P2RY14: variants seen among roughly 807,000 people sequenced by gnomAD.
P2RY14 encodes purinergic receptor P2Y14.
A neutral mutation model predicts 0.9 loss-of-function variants in P2RY14; 2 were observed. The observed-to-expected ratio is 2.16, with a 90% confidence interval of 0.88 to 6.79. The LOEUF (loss-of-function observed/expected upper bound fraction) is 6.79. P2RY14 is among the 30% of genes most tolerant of loss of function. The probability of loss-of-function intolerance (pLI) is 0.05; values close to 1 mark genes in which losing one functional copy is unlikely to be tolerated. For missense variants in P2RY14, 378 were observed against 400.1 expected (o/e 0.94, Z 0.47); for synonymous variants, 158 against 147.2 (o/e 1.07, Z -0.53).
At chr3:151,229,969 G>GT (rs539215093) in intron 1 of P2RY14, among the ~76,000 whole-genome samples, 1 of 151,396 alleles carries the variant, frequency 6.6e-6, no homozygotes, top group Non-Finnish European at 1.5e-5. Flanking sequence ...CTGTTTTTTT[G>GT]TTTTTTGTTT....
chr3:151,250,124 C>A (rs1299608891), intron 1 of P2RY14, among the ~76,000 whole-genome samples: 1 of 152,156 alleles, frequency 6.6e-6, no homozygotes, highest in East Asian at 1.9e-4. Flanking sequence ...TTTGCTGTCT[C>A]CACTTTCCCA....
chr3:151,258,683 C>T (rs1400438791), intron 1 of P2RY14, among the ~76,000 whole-genome samples: 1 of 151,994 alleles, frequency 6.6e-6, no homozygotes, highest in Non-Finnish European at 1.5e-5. Context: ...AACCCCGTCT[C>T]TACTAAAAAT....
At chr3:151,217,120 T>C (rs1446535588) in intron 2 of P2RY14, among the ~76,000 whole-genome samples, 1 of 152,240 alleles carries the variant, frequency 6.6e-6, no homozygotes, top group East Asian at 1.9e-4. Flanking sequence ...TATAGTTATA[T>C]GGTGAAATAT....
intron 1 of P2RY14, among the ~76,000 whole-genome samples, chr3:151,263,464 C>T (rs536089230): frequency 6.6e-6 from 1 of 152,308 alleles, no homozygotes; most frequent in Admixed American, 6.5e-5. Flanking sequence ...CTTTAAATAA[C>T]ATTTGTTTGT....
At chr3:151,267,022 ATACTG>A (rs2149527177) in intron 1 of P2RY14, among the ~76,000 whole-genome samples, 1 of 152,344 alleles carries the variant, frequency 6.6e-6, no homozygotes, top group African/African-American at 2.4e-5. Flanking sequence ...AATTACATCT[ATACTG>A]TAAAGTACAA....
chr3:151,238,355 C>T (rs1733362245), intron 1 of P2RY14, among the ~76,000 whole-genome samples: 1 of 152,182 alleles, frequency 6.6e-6, no homozygotes, highest in South Asian at 2.1e-4. Context: ...CCTTGTTGGT[C>T]AGGCTGGTCT....
At chr3:151,223,023 G>A (rs1729699228) in intron 1 of P2RY14, among the ~76,000 whole-genome samples, 1 of 151,972 alleles carries the variant, frequency 6.6e-6, no homozygotes, top group Non-Finnish European at 1.5e-5. Flanking sequence ...TACTTAGAAT[G>A]TTCCTAAAAA....
chr3:151,274,209 T>A (rs777239407), intron 1 of P2RY14, among the ~76,000 whole-genome samples: 2 of 152,226 alleles, frequency 1.3e-5, no homozygotes, highest in Non-Finnish European at 2.9e-5. Context: ...AATAATGTAT[T>A]TAAGGTTTCT....
At chr3:151,221,415 T>C (rs1279520829) in intron 1 of P2RY14, among the ~76,000 whole-genome samples, 3 of 152,108 alleles carry the variant, frequency 2.0e-5, no homozygotes, top group South Asian at 4.1e-4. Context: ...ATCCAGGGCA[T>C]GTCAAAGGTC....
At chr3:151,235,868 A>G (rs1577063805) in intron 1 of P2RY14, among the ~76,000 whole-genome samples, 1 of 152,182 alleles carries the variant, frequency 6.6e-6, no homozygotes, top group African/African-American at 2.4e-5. Flanking sequence ...CATGGCATCT[A>G]ACATAGCCAT....
intron 1 of P2RY14, among the ~76,000 whole-genome samples, chr3:151,231,729 A>G (rs902860777): frequency 6.6e-6 from 1 of 152,202 alleles, no homozygotes; most frequent in African/African-American, 2.4e-5. Context: ...GTTTTGAGAC[A>G]GTTGTATAAC....
At chr3:151,264,519 A>G (rs1307815807) in intron 1 of P2RY14, among the ~76,000 whole-genome samples, 1 of 152,236 alleles carries the variant, frequency 6.6e-6, no homozygotes, top group African/African-American at 2.4e-5. Context: ...GCACATCTCT[A>G]AGATAACCAT....
At chr3:151,234,495 T>C (rs1699204089) in intron 1 of P2RY14, among the ~76,000 whole-genome samples, 1 of 152,254 alleles carries the variant, frequency 6.6e-6, no homozygotes, top group Non-Finnish European at 1.5e-5. Flanking sequence ...TTGTCTGTTT[T>C]ACTGTGTTGG....
chr3:151,275,579 GCT>G (rs1741715640), intron 1 of P2RY14, among the ~76,000 whole-genome samples: 1 of 152,156 alleles, frequency 6.6e-6, no homozygotes, highest in African/African-American at 2.4e-5. Flanking sequence ...GAGAAGCTTT[GCT>G]GTGGTAAACT....
chr3:151,255,964 T>C (rs1737737647), intron 1 of P2RY14, among the ~76,000 whole-genome samples: 2 of 152,226 alleles, frequency 1.3e-5, no homozygotes, highest in South Asian at 2.1e-4. Context: ...TTTCTTACTA[T>C]AATGCCTAGC....
chr3:151,214,103 G>A lies in P2RY14; in HGVS notation c.214C>T (p.Leu72=), dbSNP rs765288647. 2 of 1,614,104 alleles carry A rather than the reference G, an allele frequency of 1.2e-6. No individual in the cohort carries two copies. Among genetic ancestry groups the A allele is most frequent in the South Asian group, 2.2e-5 (2 of 91,076 alleles). ...NIVIADFVMS[L]TFPFKILGDS... is the part of the protein sequence containing the mutation. ...CCAAGGATCTTGAAAGGAAAAGTCA[G>A]GCTCATCACAAAGTCAGCAATAACA... Residue 72 remains leucine, a synonymous_variant, in exon 3 of 3, where the codon CTG becomes TTG. Coordinates refer to ENST00000309170, the MANE Select transcript of P2RY14 (RefSeq NM_014879.4).
chr3:151,254,151 TA>T (rs1737376366), intron 1 of P2RY14, among the ~76,000 whole-genome samples: 1 of 152,204 alleles, frequency 6.6e-6, no homozygotes, highest in Non-Finnish European at 1.5e-5. Context: ...TCCTTTTATC[TA>T]TTTTTAGGTA....
intron 2 of P2RY14, among the ~76,000 whole-genome samples, chr3:151,216,035 G>A (rs1240043623): frequency 6.6e-6 from 1 of 152,176 alleles, no homozygotes; most frequent in Non-Finnish European, 1.5e-5. Context: ...GGGGTGGGTT[G>A]AGTGTGTGCT....
intron 1 of P2RY14, among the ~76,000 whole-genome samples, chr3:151,267,003 G>C (rs909934809): frequency 3.3e-5 from 5 of 152,160 alleles, no homozygotes; most frequent in African/African-American, 1.2e-4. Context: ...TTTATACATA[G>C]TGTTGACAAA....
Sources: allele counts gnomAD v4.1 joint callset (sites outside exome capture counted in the v4.1 genomes callset), GRCh38; gene constraint gnomAD v4.1.1; transcripts MANE v1.5; gene names NCBI Gene and HGNC (gene_info 2026-07-23, HGNC 2026-07-21).